Variants in DHRSX observed in about 807,000 individuals in gnomAD.
The protein encoded by DHRSX is polyprenol dehydrogenase.
Under a neutral mutation model 34.0 loss-of-function variants are expected in DHRSX, and 31 were observed. The ratio of observed to expected loss-of-function variants is 0.91; its 90% CI spans 0.69 to 1.23. The LOEUF is 1.23. DHRSX is among the 50% of genes most tolerant of loss of function. The pLI, the probability that DHRSX is intolerant of heterozygous loss-of-function variation, is 0.00. For missense variants in DHRSX, 414 were observed against 428.1 expected, an observed-to-expected ratio of 0.97 and a Z score of 0.29; for synonymous variants, 201 against 183.8, an observed-to-expected ratio of 1.09 and a Z score of -0.76.
chrX:2,447,267 G>A (rs780210734), intron 1 of DHRSX, among the ~76,000 whole-genome samples: 2 of 152,100 alleles, frequency 1.3e-5, no homozygotes, highest in African/African-American at 4.8e-5. Context: ...CCCTAAGCAT[G>A]CAGCCAAGGG....
At chrX:2,251,478 G>A (rs759789719) in intron 5 of DHRSX, among the ~76,000 whole-genome samples, 29 of 152,144 alleles carry the variant, frequency 1.9e-4, no homozygotes, top group Admixed American at 4.6e-4. Context: ...CTCTGCCTTT[G>A]CCTCTTTTAA....
rs992750627 is a variant in DHRSX at position 2,219,601 on chromosome X, T to C, written c.*1440A>G. 6.6e-5 allele frequency: 10 copies of C among 152,148 alleles called. No homozygotes were observed. The highest frequency in any genetic ancestry group is 1.9e-4 in the African/African-American group (8 of 41,438). The allele number at this position is 152,148 out of a possible 1,614,324, so 9.4% of individuals were successfully genotyped here. ...CCATCTGGGAACAATCTAGCAGTCA[T>C]GTAAGAAGCACATGCCCCCACAATT... On this transcript the variant is annotated 3_prime_UTR_variant, in exon 7 of 7. Coordinates refer to ENST00000334651, the MANE Select transcript of DHRSX (RefSeq NM_145177.3).
rs778057545 is a variant in DHRSX at position 2,334,170 on chromosome X, C to CTTTTTTTTTTTTTTTTTTTTTTTTTTT, written c.287-42568_287-42567insAAAAAAAAAAAAAAAAAAAAAAAAAAA. On this transcript the variant is annotated intron_variant, in intron 3 of 6. Transcript: ENST00000334651. ...TCTGTTGTTTTAACTCAAAAGTATGCTTTTTTTTTTTGAGACACAGTCTTA... is the reference window on the plus strand; with the variant it reads ...TCTGTTGTTTTAACTCAAAAGTATGCTTTTTTTTTTTTTTTTTTTTTTTTTTTTTTTTTTTTTTGAGACACAGTCTTA... 12 of 105,112 alleles carry CTTTTTTTTTTTTTTTTTTTTTTTTTTT rather than the reference C, an allele frequency of 1.1e-4. 2 individuals carry two copies. Among genetic ancestry groups the CTTTTTTTTTTTTTTTTTTTTTTTTTTT allele is most frequent in the African/African-American group, 4.1e-4 (10 of 24,222 alleles). 6.5% of individuals were successfully genotyped at this position (105,112 alleles called of 1,614,324 possible).
At chrX:2,291,854 C>T (rs1244766120) in intron 3 of DHRSX, among the ~76,000 whole-genome samples, 1 of 150,890 alleles carries the variant, frequency 6.6e-6, no homozygotes, top group African/African-American at 2.4e-5. Context: ...GCTGGGATTA[C>T]AGGCACATGC....
chrX:2,355,068 A>T (rs1466747245), intron 3 of DHRSX, among the ~76,000 whole-genome samples: 1 of 152,222 alleles, frequency 6.6e-6, no homozygotes, highest in Non-Finnish European at 1.5e-5. Flanking sequence ...ACCTGAGACC[A>T]CTAATCCTTC....
intron 3 of DHRSX, among the ~76,000 whole-genome samples, chrX:2,322,681 T>TA (rs112068830): frequency 0.75 from 111,983 of 149,762 alleles, 42,747 homozygotes; most frequent in African/African-American, 0.84. Context: ...CACGCCCGGC[T>TA]AAAAAAAAAC....
intron 1 of DHRSX, among the ~76,000 whole-genome samples, chrX:2,460,142 TG>T (rs1263227057): frequency 6.6e-6 from 1 of 152,052 alleles, no homozygotes; most frequent in Non-Finnish European, 1.5e-5. Context: ...GTATCCACAC[TG>T]CAGCGTGGAC....
At chrX:2,433,093 CAGG>C (rs1465655970) in intron 1 of DHRSX, among the ~76,000 whole-genome samples, 1 of 151,620 alleles carries the variant, frequency 6.6e-6, no homozygotes, top group Non-Finnish European at 1.5e-5. Context: ...CACTGCACTC[CAGG>C]AGGAACAAGA....
In DHRSX at chrX:2,243,052, TC is replaced by T. The variant is rs1162060854; in HGVS notation, c.774del (p.Lys259ArgfsTer64). On this transcript the variant is annotated frameshift_variant, in exon 6 of 7. Transcript: ENST00000334651. LOFTEE classifies it high-confidence loss of function. ...YKHVFWATRLAKKLLGWLLFK... is the reference protein window; with the variant it reads ...YKHVFWATRLXKKLLGWLLFK... The stretch of plus-strand genomic sequence containing the variant: ...AAAAGCAACCAGCCGAGAAGCTTCT[TC>T]GCCAGACGGGTGGCCCAGAACACGT... 6.2e-7 allele frequency: 1 copy of T among 1,613,430 alleles called. No homozygotes were observed. The highest frequency in any genetic ancestry group is 1.3e-5 in the African/African-American group (1 of 74,902).
In DHRSX at chrX:2,429,358, C is replaced by G. The variant is rs770600733; in HGVS notation, c.110-4054G>C. On this transcript the variant is annotated intron_variant, in intron 1 of 6. Coordinates refer to ENST00000334651, the MANE Select transcript of DHRSX (RefSeq NM_145177.3). ...TGTGTGTACATACATATTTCTCAGC[C>G]CCAATGCCAACTTCCTAGTCAATAA... Among the ~76,000 whole-genome samples the G allele has an allele frequency of 2.0e-5, 3 of 152,004 alleles. No homozygotes were observed. In the East Asian group the frequency reaches 5.8e-4, roughly 29 times the overall value.
chrX:2,464,249 G>A (rs751883041), intron 1 of DHRSX, among the ~76,000 whole-genome samples: 28 of 151,134 alleles, frequency 1.9e-4, no homozygotes, highest in South Asian at 1.0e-3. Flanking sequence ...TGGCCCAAGG[G>A]ACCATTGCCC....
chrX:2,433,928 C>A (rs891790107), intron 1 of DHRSX, among the ~76,000 whole-genome samples: 1 of 152,158 alleles, frequency 6.6e-6, no homozygotes, highest in African/African-American at 2.4e-5. Flanking sequence ...GCGCCCGCCA[C>A]CACGCCCGGC....
rs2042995921 is a variant in DHRSX at position 2,366,506 on chromosome X, T to C, written c.286+42239A>G. Among the ~76,000 whole-genome samples, 3 of 152,164 alleles carry C rather than the reference T, an allele frequency of 2.0e-5. No individual in the cohort carries two copies. The South Asian group carries it at 6.2e-4, about 32-fold the overall frequency. The stretch of plus-strand genomic sequence containing the variant: ...GTAATTCTTGGAAATTGTATTTTTA[T>C]ACCCTCTAATATTTAAATGACCATC... On this transcript the variant is annotated intron_variant, in intron 3 of 6. Transcript: ENST00000334651.
At chrX:2,392,081 C>T (rs1331608357) in intron 3 of DHRSX, among the ~76,000 whole-genome samples, 11 of 152,164 alleles carry the variant, frequency 7.2e-5, no homozygotes, top group Admixed American at 3.3e-4. Flanking sequence ...CGCTGTCGTT[C>T]ACCATCCCTC....
intron 3 of DHRSX, among the ~76,000 whole-genome samples, chrX:2,368,675 C>T (rs1399950116): frequency 3.9e-5 from 6 of 152,118 alleles, no homozygotes; most frequent in Admixed American, 2.6e-4. Flanking sequence ...CATGTCAAAA[C>T]CCCGTCTCTA....
chrX:2,413,535 A>G (rs1282480971), intron 2 of DHRSX, among the ~76,000 whole-genome samples: 2 of 152,230 alleles, frequency 1.3e-5, no homozygotes, highest in Non-Finnish European at 2.9e-5. Flanking sequence ...CACATTTTGT[A>G]CACCATAAAA....
chrX:2,355,785 A>C lies in DHRSX; in HGVS notation c.286+52960T>G, dbSNP rs1337296136. Among the ~76,000 whole-genome samples the C allele has an allele frequency of 2.0e-5, 3 of 152,008 alleles. No homozygotes were observed. In the East Asian group the frequency reaches 5.8e-4, roughly 29 times the overall value. On this transcript the variant is annotated intron_variant, in intron 3 of 6. Transcript: ENST00000334651. ...ATCAAAATCAAGAATGAGGAGACTC[A>C]GCTGGGTATGGTGGCTCACCCTGTA...
chrX:2,390,179 T>C (rs1425650622), intron 3 of DHRSX, among the ~76,000 whole-genome samples: 2 of 149,892 alleles, frequency 1.3e-5, no homozygotes, highest in Admixed American at 1.3e-4. Context: ...GCTTTGCTCT[T>C]GTTGCCCATC....
At chrX:2,443,833 C>T (rs1342041557) in intron 1 of DHRSX, among the ~76,000 whole-genome samples, 2 of 151,982 alleles carry the variant, frequency 1.3e-5, no homozygotes, top group African/African-American at 4.8e-5. Context: ...AGTGAAACCC[C>T]ATCTCTACTA....
Sources: allele counts gnomAD v4.1 joint callset (sites outside exome capture counted in the v4.1 genomes callset), GRCh38; gene constraint gnomAD v4.1.1; transcripts MANE v1.5; gene names NCBI Gene and HGNC (gene_info 2026-07-23, HGNC 2026-07-21).